The following ZNF19 variants were observed in gnomAD, a reference collection of about 807,000 sequenced individuals.
ZNF19 encodes the protein zinc finger protein 19 (KOX 12).
ZNF19 carries 11 observed loss-of-function variants against 13.1 expected under a neutral mutation model. The ratio of observed to expected loss-of-function variants is 0.84; its 90% confidence interval spans 0.53 to 1.39. The LOEUF (loss-of-function observed/expected upper bound fraction) is 1.39. ZNF19 is among the 40% of genes most tolerant of loss of function. The pLI, the probability that ZNF19 is intolerant of heterozygous loss-of-function variation, is 0.00. For synonymous variants in ZNF19, 186 were observed against 187.0 expected (o/e 0.99, Z 0.04); for missense variants, 560 against 547.0 (o/e 1.02, Z -0.24).
chr16:71,482,919 C>G (rs1289462993), intron 2 of ZNF19, among the ~76,000 whole-genome samples: 1 of 152,196 alleles, frequency 6.6e-6, no homozygotes, highest in Non-Finnish European at 1.5e-5. Flanking sequence ...CCAGACTAGT[C>G]CTCAAACTAC....
intron 1 of ZNF19, 119 bp from the exon 2 acceptor site, chr16:71,484,867 T>G: frequency 3.2e-6 from 1 of 317,342 alleles, no homozygotes; most frequent in Non-Finnish European, 4.6e-6. Context: ...CTGTCACCGA[T>G]AGAAATCACA....
intron 2 of ZNF19, among the ~76,000 whole-genome samples, chr16:71,484,212 G>A (rs1462718708): frequency 2.0e-5 from 3 of 152,242 alleles, no homozygotes; most frequent in African/African-American, 7.2e-5. Context: ...AGCTTCCTGG[G>A]GGCGGGGCCC....
chr16:71,476,063 T>C lies in ZNF19; in HGVS notation c.484A>G (p.Ile162Val). 1 of 1,614,236 alleles carries C rather than the reference T, an allele frequency of 6.2e-7. No homozygotes were observed. The highest frequency in any genetic ancestry group is 8.5e-7 in the Non-Finnish European group (1 of 1,180,026). ...AAGGATTTCCCACACTCCTCACATA[T>C]GAAAGGTTTCCTTGCACAGGGGATT... ...PRIPCARKPFICEECGKSFSY... is the reference protein window; with the variant it reads ...PRIPCARKPFVCEECGKSFSY... Residue 162 changes from isoleucine (I) to valine (V), a missense_variant, in exon 6 of 6, where the codon ATA (isoleucine) becomes GTA (valine). Physicochemically the swap from Ile to Val is conservative, Grantham distance 29. Coordinates refer to ENST00000288177, the MANE Select transcript of ZNF19 (RefSeq NM_006961.4).
At position 71,475,462 on chromosome 16, in the gene ZNF19, C is replaced by A; in HGVS notation, c.1085G>T (p.Cys362Phe). Reference sequence around the variant, plus strand: ...TTCCTGAGCACTGAAGGCTTTTCCACAATCTACACAGTCAAAGGGTTTCTC... The same window carrying A: ...TTCCTGAGCACTGAAGGCTTTTCCAAAATCTACACAGTCAAAGGGTTTCTC... ...SEEKPFDCVDCGKAFSAQEQL... is the reference protein window; with the variant it reads ...SEEKPFDCVDFGKAFSAQEQL... Residue 362 changes from cysteine (C) to phenylalanine (F), a missense_variant, in exon 6 of 6, where the codon TGT becomes TTT. By Grantham distance (205) the Cys-to-Phe change is radical (BLOSUM62 -2). Coordinates refer to ENST00000288177, the MANE Select transcript of ZNF19 (RefSeq NM_006961.4). The A allele has an allele frequency of 1.9e-6, 3 of 1,609,736 alleles. No homozygotes were observed. Among genetic ancestry groups the A allele is most frequent in the Non-Finnish European group, 2.5e-6 (3 of 1,178,308 alleles).
Position 71,475,731 on chromosome 16 carries a change from G to C in ZNF19, c.816C>G (p.Pro272=), listed in dbSNP as rs2288488. ...CTTTGCCACACTCATTACACTCATA[G>C]GGTTTCTCCCCAGTGTGGATTCTCT... ...IHQRIHTGEK[P]YECNECGKAF... is the part of the protein sequence containing the mutation. Residue 272 remains proline (P), a synonymous_variant, in exon 6 of 6, where the codon CCC becomes CCG. Transcript: ENST00000288177. 471,790 of 1,613,710 alleles carry C rather than the reference G, an allele frequency of 0.29. 74,490 individuals are homozygous for C. Among genetic ancestry groups the C allele is most frequent in the South Asian group, 0.5 (45,972 of 91,062 alleles).
intron 5 of ZNF19, among the ~76,000 whole-genome samples, chr16:71,476,770 T>C (rs2043605535): frequency 6.6e-6 from 1 of 152,162 alleles, no homozygotes; most frequent in Non-Finnish European, 1.5e-5. Context: ...AGACACTGGG[T>C]TGTGGCAAGA....
chr16:71,473,653 C>T lies in ZNF19; in HGVS notation c.*1517G>A, dbSNP rs928831097. The T allele has an allele frequency of 1.3e-5, 2 of 151,978 alleles. No homozygotes were observed. The highest frequency in any genetic ancestry group is 2.4e-5 in the African/African-American group (1 of 41,344). The allele number at this position is 151,978 out of a possible 1,614,324, so 9.4% of individuals were successfully genotyped here. A position where few individuals can be genotyped will look rare whatever the true frequency, so the allele number is the denominator to read the frequency against. On this transcript the variant is annotated 3_prime_UTR_variant, in exon 6 of 6. Transcript: ENST00000288177. Reference sequence around the variant, plus strand: ...AGGCTGGAGTGCAGTGGTGTAATCTCGGCTCACTACAACCTCCGCCTCCCG... The same window carrying T: ...AGGCTGGAGTGCAGTGGTGTAATCTTGGCTCACTACAACCTCCGCCTCCCG...
intron 3 of ZNF19, 80 bp downstream of exon 3, chr16:71,482,002 C>T: frequency 6.6e-7 from 1 of 1,524,460 alleles, no homozygotes; most frequent in East Asian, 2.3e-5. Flanking sequence ...GGCTCTAAGA[C>T]TTGCCAGAAT....
intron 3 of ZNF19, among the ~76,000 whole-genome samples, chr16:71,481,093 C>T (rs1341609131): frequency 1.3e-5 from 2 of 152,222 alleles, no homozygotes; most frequent in South Asian, 4.1e-4. Flanking sequence ...GACTTTGTGT[C>T]TCTCTGGAAA....
In ZNF19 at chr16:71,475,309, T is replaced by C. The variant is rs542033526; in HGVS notation, c.1238A>G (p.Tyr413Cys). The change falls in exon 6 of 6, where the codon TAT becomes TGT. Residue 413 changes from tyrosine to cysteine, a missense_variant. Coordinates refer to ENST00000288177, the MANE Select transcript of ZNF19 (RefSeq NM_006961.4). ...HQRIHTGEKPYECSKYEKAFG... is the reference protein window; with the variant it reads ...HQRIHTGEKPCECSKYEKAFG... ...GGCCTTCTCATACTTGCTACACTCA[T>C]AGGGTTTCTCTCCAGTATGGATTCT... The C allele has an allele frequency of 1.4e-5, 23 of 1,614,218 alleles. No homozygotes were observed. Among genetic ancestry groups the C allele is most frequent in the South Asian group, 2.2e-5 (2 of 91,082 alleles).
At chr16:71,477,298 C>T (rs1407246106) in intron 5 of ZNF19, among the ~76,000 whole-genome samples, 1 of 152,184 alleles carries the variant, frequency 6.6e-6, no homozygotes, top group African/African-American at 2.4e-5. Flanking sequence ...AATCACCAGA[C>T]AGAGGAAGCG....
intron 2 of ZNF19, among the ~76,000 whole-genome samples, chr16:71,483,062 G>T (rs894415975): frequency 4.6e-5 from 7 of 152,158 alleles, no homozygotes; most frequent in Non-Finnish European, 7.4e-5. Flanking sequence ...TTTTAGAACT[G>T]GCAAAATGAT....
chr16:71,488,335 G>C (rs1348488858), intron 1 of ZNF19, among the ~76,000 whole-genome samples: 2 of 150,504 alleles, frequency 1.3e-5, no homozygotes, highest in African/African-American at 4.9e-5. Context: ...ACTCCAGCCT[G>C]GGTGACAGAA....
chr16:71,478,445 T>C, intron 4 of ZNF19, 104 bp from the exon 5 acceptor site: 1 of 836,916 alleles, frequency 1.2e-6, no homozygotes, highest in Non-Finnish European at 2.0e-6. Flanking sequence ...AGAAGAGGGT[T>C]CTCGACTGGA....
chr16:71,475,645 T>G lies in ZNF19; in HGVS notation c.902A>C (p.Tyr301Ser). 2 of 1,614,196 alleles carry G rather than the reference T, an allele frequency of 1.2e-6. No homozygotes were observed. The highest frequency in any genetic ancestry group is 1.1e-5 in the South Asian group (1 of 91,078). Residue 301 changes from tyrosine to serine, a missense_variant, in exon 6 of 6, where the codon TAT becomes TCT. Coordinates refer to ENST00000288177, the MANE Select transcript of ZNF19 (RefSeq NM_006961.4). Reference sequence around the variant, plus strand: ...GCTTTTGCCACACTCATTACACTCATAGGGTTTCTCTCCAGTGTGGATTTT... The same window carrying G: ...GCTTTTGCCACACTCATTACACTCAGAGGGTTTCTCTCCAGTGTGGATTTT... ...HQKIHTGEKP[Y>S]ECNECGKSFG...
In ZNF19 at chr16:71,475,645, T is replaced by C. The variant is rs751843531; in HGVS notation, c.902A>G (p.Tyr301Cys). ...GCTTTTGCCACACTCATTACACTCA[T>C]AGGGTTTCTCTCCAGTGTGGATTTT... ...HQKIHTGEKP[Y>C]ECNECGKSFG... is the part of the protein sequence containing the mutation. The change falls in exon 6 of 6, where the codon TAT (tyrosine) becomes TGT (cysteine). Residue 301 changes from tyrosine to cysteine, a missense_variant. By Grantham distance (194) the Tyr-to-Cys change is radical (BLOSUM62 -2). Coordinates refer to ENST00000288177, the MANE Select transcript of ZNF19 (RefSeq NM_006961.4). 7.4e-6 allele frequency: 12 copies of C among 1,614,078 alleles called. No homozygotes were observed. The highest frequency in any genetic ancestry group is 2.7e-5 in the African/African-American group (2 of 74,932).
chr16:71,475,096 T>A lies in ZNF19; in HGVS notation c.*74A>T. The A allele has an allele frequency of 6.8e-7, 1 of 1,464,068 alleles. No individual in the cohort carries two copies. The highest frequency in any genetic ancestry group is 9.1e-7 in the Non-Finnish European group (1 of 1,098,842). 90.7% of individuals were successfully genotyped at this position (1,464,068 alleles called of 1,614,324 possible). ...CTTGAGGGATGGATCAGAGGCTGAG[T>A]CAGGCCTGTGTCACACATTCCATTC... On this transcript the variant is annotated 3_prime_UTR_variant, in exon 6 of 6. Transcript: ENST00000288177.
Position 71,484,760 on chromosome 16 carries a change from A to C in ZNF19, c.-189-12T>G. 1 of 984,138 alleles carries C rather than the reference A, an allele frequency of 1.0e-6. No homozygotes were observed. Among genetic ancestry groups the C allele is most frequent in the Non-Finnish European group, 1.2e-6 (1 of 828,738 alleles). The allele number at this position is 984,138 out of a possible 1,614,324, so 61.0% of individuals were successfully genotyped here. Reference sequence around the variant, plus strand: ...GGATCCTCAGAGACCTTGAATAGGAAAGAAAGTATATCATTGTTTTCGCTA... The same window carrying C: ...GGATCCTCAGAGACCTTGAATAGGACAGAAAGTATATCATTGTTTTCGCTA... On this transcript the variant is annotated splice_polypyrimidine_tract_variant and intron_variant, in intron 1 of 5. Coordinates refer to ENST00000288177, the MANE Select transcript of ZNF19 (RefSeq NM_006961.4).
chr16:71,478,892 G>C lies in ZNF19; in HGVS notation c.147C>G (p.Asn49Lys), dbSNP rs1386799536. The C allele has an allele frequency of 1.2e-6, 2 of 1,614,100 alleles. No individual in the cohort carries two copies. Among genetic ancestry groups the C allele is most frequent in the Non-Finnish European group, 1.7e-6 (2 of 1,179,960 alleles). Residue 49 changes from asparagine to lysine, a missense_variant, in exon 4 of 6, where the codon AAC becomes AAG. Asn to Lys is a moderately conservative substitution (Grantham distance 94, BLOSUM62 0). Coordinates refer to ENST00000288177, the MANE Select transcript of ZNF19 (RefSeq NM_006961.4). ...AAATGGCCTTACCCAAAGCAGTCAG[G>C]TTCCCAAAATTCTCCAACATCACAC... ...YRSVMLENFG[N>K]LTALGYPVPK...
Sources: gnomAD v4.1 joint callset for allele counts (sites outside exome capture counted in the v4.1 genomes callset) on GRCh38, gnomAD v4.1.1 for gene constraint, MANE v1.5 for transcripts, NCBI Gene and HGNC (gene_info 2026-07-23, HGNC 2026-07-21) for gene names.